RIMS1: variants seen among roughly 807,000 people sequenced by gnomAD.
The protein encoded by RIMS1 is regulating synaptic membrane exocytosis protein 1.
In RIMS1, 83 loss-of-function variants were observed where a neutral mutation model predicts 214.1. The ratio of observed to expected loss-of-function variants is 0.39; its 90% confidence interval spans 0.32 to 0.47. The LOEUF (loss-of-function observed/expected upper bound fraction) is 0.47, where lower values mean the gene tolerates loss of function less well. RIMS1 is among the 20% of genes least tolerant of loss of function. The pLI, the probability that RIMS1 is intolerant of heterozygous loss-of-function variation, is 0.99. For synonymous variants in RIMS1, 793 were observed against 786.8 expected (o/e 1.01, Z -0.13); for missense variants, 2,050 against 2,161.8 (o/e 0.95, Z 1.03).
At chr6:72,001,190 C>T (rs1805097643) in intron 2 of RIMS1, among the ~76,000 whole-genome samples, 1 of 152,176 alleles carries the variant, frequency 6.6e-6, no homozygotes, top group South Asian at 2.1e-4. Flanking sequence ...CCTGACCACA[C>T]ACTACATTTC....
chr6:72,069,510 G>T (rs1830100192), intron 2 of RIMS1, among the ~76,000 whole-genome samples: 1 of 152,204 alleles, frequency 6.6e-6, no homozygotes, highest in South Asian at 2.1e-4. Context: ...AAAGGTAAAT[G>T]AAAAATATAT....
intron 2 of RIMS1, among the ~76,000 whole-genome samples, chr6:72,031,992 A>G (rs1818248402): frequency 6.6e-6 from 1 of 152,172 alleles, no homozygotes; most frequent in Admixed American, 6.6e-5. Context: ...TTTAAGAGAA[A>G]ACAATGAGGA....
chr6:72,150,082 G>A (rs2043312766), intron 4 of RIMS1, among the ~76,000 whole-genome samples: 1 of 152,146 alleles, frequency 6.6e-6, no homozygotes, highest in South Asian at 2.1e-4. Context: ...AGCAGAGAGG[G>A]GATGTGAGGG....
intron 2 of RIMS1, among the ~76,000 whole-genome samples, chr6:72,051,583 G>A (rs1585730294): frequency 6.6e-6 from 1 of 152,094 alleles, no homozygotes; most frequent in South Asian, 2.1e-4. Flanking sequence ...TAAAACAGTA[G>A]GGTGTGGCTC....
chr6:72,363,517 T>C (rs2097893067), intron 29 of RIMS1, among the ~76,000 whole-genome samples: 1 of 152,042 alleles, frequency 6.6e-6, no homozygotes, highest in Non-Finnish European at 1.5e-5. Context: ...AGAAAATGAG[T>C]TAGGATGAAG....
At chr6:72,008,420 G>A (rs1045179548) in intron 2 of RIMS1, among the ~76,000 whole-genome samples, 9 of 152,090 alleles carry the variant, frequency 5.9e-5, no homozygotes, top group South Asian at 2.1e-4. Context: ...ATCAACTAAC[G>A]AGCAAAATAA....
intron 1 of RIMS1, among the ~76,000 whole-genome samples, chr6:71,966,550 T>C (rs1341428866): frequency 6.6e-6 from 1 of 152,118 alleles, no homozygotes; most frequent in African/African-American, 2.4e-5. Context: ...TGAGTTGGAG[T>C]CTAACTCTGT....
intron 4 of RIMS1, among the ~76,000 whole-genome samples, chr6:72,166,708 T>A (rs1588412737): frequency 1.0e-4 from 2 of 19,614 alleles, no homozygotes; most frequent in East Asian, 4.3e-3. Flanking sequence ...AGATCCCGTC[T>A]CTATTTTAAA....
At chr6:72,331,623 A>T in intron 28 of RIMS1, among the ~76,000 whole-genome samples, 1 of 151,854 alleles carries the variant, frequency 6.6e-6, no homozygotes, top group Non-Finnish European at 1.5e-5. Flanking sequence ...ACACAGAAGA[A>T]ATTGACCATA....
chr6:71,951,074 C>A (rs1025686837), intron 1 of RIMS1, among the ~76,000 whole-genome samples: 2 of 152,096 alleles, frequency 1.3e-5, no homozygotes, highest in Admixed American at 6.5e-5. Flanking sequence ...AATGGTCAGT[C>A]CAAAGTTGTA....
intron 4 of RIMS1, among the ~76,000 whole-genome samples, chr6:72,152,101 C>T (rs2043681606): frequency 6.6e-6 from 1 of 152,138 alleles, no homozygotes; most frequent in Non-Finnish European, 1.5e-5. Context: ...TATCAGGCCC[C>T]ACCTCAAATA....
chr6:71,932,699 C>T (rs991677329), intron 1 of RIMS1, among the ~76,000 whole-genome samples: 2 of 152,098 alleles, frequency 1.3e-5, no homozygotes, highest in South Asian at 4.1e-4. Context: ...TAGTCTCTAA[C>T]TCCTGGGCTT....
intron 13 of RIMS1, 127 bp downstream of exon 13, chr6:72,250,587 C>G (rs2072810932): frequency 9.1e-6 from 6 of 659,302 alleles, no homozygotes; most frequent in Non-Finnish European, 1.4e-5. Flanking sequence ...TACATTATCT[C>G]TGAAAAAAGA....
intron 6 of RIMS1, among the ~76,000 whole-genome samples, chr6:72,212,102 A>G (rs2053919243): frequency 6.6e-6 from 1 of 152,116 alleles, no homozygotes. Flanking sequence ...GAAATCCAAA[A>G]CAATAATAAC....
intron 28 of RIMS1, among the ~76,000 whole-genome samples, chr6:72,320,815 G>T (rs992536138): frequency 6.6e-6 from 1 of 151,908 alleles, no homozygotes; most frequent in Non-Finnish European, 1.5e-5. Flanking sequence ...ACTTCAGCTT[G>T]TACAGTTAAT....
At chr6:71,935,187 C>T (rs1784105811) in intron 1 of RIMS1, among the ~76,000 whole-genome samples, 1 of 152,158 alleles carries the variant, frequency 6.6e-6, no homozygotes, top group South Asian at 2.1e-4. Context: ...CCTCTCACTT[C>T]TCAGAATACT....
intron 2 of RIMS1, among the ~76,000 whole-genome samples, chr6:71,990,298 A>G (rs540605065): frequency 3.3e-5 from 5 of 152,142 alleles, no homozygotes; most frequent in Non-Finnish European, 7.3e-5. Flanking sequence ...GCTCATTTAC[A>G]ATGCACTTAA....
At chr6:72,232,935 G>A (rs9442757) in intron 6 of RIMS1, among the ~76,000 whole-genome samples, 1,880 of 151,796 alleles carry the variant, frequency 0.012, 45 homozygotes, top group African/African-American at 0.044. Flanking sequence ...CTCACTTTAT[G>A]TTTTTCTCTT....
chr6:72,028,382 T>A (rs1280449461), intron 2 of RIMS1, among the ~76,000 whole-genome samples: 1 of 152,190 alleles, frequency 6.6e-6, no homozygotes, highest in Non-Finnish European at 1.5e-5. Context: ...ATATTTCTTG[T>A]AAATATTTAA....
Sources: allele counts gnomAD v4.1 joint callset (sites outside exome capture counted in the v4.1 genomes callset), GRCh38; gene constraint gnomAD v4.1.1; transcripts MANE v1.5; gene names NCBI Gene and HGNC (gene_info 2026-07-23, HGNC 2026-07-21).